HMCN1: variants seen among roughly 807,000 people sequenced by gnomAD.
HMCN1 encodes the protein hemicentin-1.
HMCN1 carries 321 observed loss-of-function variants against 625.9 expected under a neutral mutation model. That is an observed-to-expected ratio of 0.51 (90% CI 0.47 to 0.56). HMCN1 has a LOEUF of 0.56. Among genes scored for constraint, HMCN1 ranks in the 20% least tolerant of loss-of-function variants. The pLI is 0.00. For synonymous variants in HMCN1, 2,425 were observed against 2,417.6 expected (o/e 1.00, Z -0.09); for missense variants, 6,588 against 6,887.3 (o/e 0.96, Z 1.54).
chr1:186,078,065 T>C, intron 54 of HMCN1, 42 bp from the exon 55 acceptor site: 1 of 1,435,656 alleles, frequency 7.0e-7, no homozygotes, highest in South Asian at 1.2e-5. Flanking sequence ...TTGTGTTCAC[T>C]CTAAGATTAG....
intron 70 of HMCN1, among the ~76,000 whole-genome samples, chr1:186,108,255 G>A (rs1660713655): frequency 6.6e-6 from 1 of 151,788 alleles, no homozygotes. Flanking sequence ...GTAGTTGTTG[G>A]AAGGATTTCT....
chr1:185,856,531 C>T (rs1218398479), intron 2 of HMCN1, among the ~76,000 whole-genome samples: 2 of 148,012 alleles, frequency 1.4e-5, no homozygotes, highest in Non-Finnish European at 3.0e-5. Flanking sequence ...CAGCTTGAAA[C>T]TGAGTTGCAT....
In HMCN1 at chr1:186,075,927, T is replaced by A. The variant is rs141778742; in HGVS notation, c.8291-501T>A. ...TAATGCTTTTGATGTGCAGGCAAAT[T>A]GCCTTTCATAAAGTTCATACTTGTC... On this transcript the variant is annotated intron_variant, in intron 53 of 106. Coordinates refer to ENST00000271588, the MANE Select transcript of HMCN1 (RefSeq NM_031935.3). Among the ~76,000 whole-genome samples, 8 of 152,318 alleles carry A rather than the reference T, an allele frequency of 5.3e-5. No homozygotes were observed. The East Asian group carries it at 1.5e-3, about 29-fold the overall frequency.
chr1:185,923,537 A>G lies in HMCN1; in HGVS notation c.1169A>G (p.Asn390Ser), dbSNP rs1473690593. 15 of 1,612,504 alleles carry G rather than the reference A, an allele frequency of 9.3e-6. No individual in the cohort carries two copies. The South Asian group carries it at 1.3e-4, about 14-fold the overall frequency. The change falls in exon 8 of 107, where the codon AAT becomes AGT. Residue 390 changes from asparagine to serine, a missense_variant. Asn to Ser is a conservative substitution (Grantham distance 46). Transcript: ENST00000271588. ...YPHRKPYGIW[N>S]ISDFVPPNEA... Reference sequence around the variant, plus strand: ...CATCGAAAACCTTATGGCATATGGAATATTTCTGACTTTGTACCACCAAAT... The same window carrying G: ...CATCGAAAACCTTATGGCATATGGAGTATTTCTGACTTTGTACCACCAAAT...
At chr1:186,149,488 T>C (rs1279954172) in intron 93 of HMCN1, among the ~76,000 whole-genome samples, 3 of 152,204 alleles carry the variant, frequency 2.0e-5, no homozygotes, top group Non-Finnish European at 4.4e-5. Flanking sequence ...GGCTTTGGCT[T>C]AAGGGAACAT....
At chr1:185,917,759 G>A (rs963872689) in intron 6 of HMCN1, among the ~76,000 whole-genome samples, 17 of 152,124 alleles carry the variant, frequency 1.1e-4, no homozygotes, top group African/African-American at 1.4e-4. Context: ...GGCCTTCTTC[G>A]CCTTTAAACT....
Position 185,734,483 on chromosome 1 carries a change from G to A in HMCN1, c.-297G>A. 1 of 378,958 alleles carries A rather than the reference G, an allele frequency of 2.6e-6. No individual in the cohort carries two copies. Among genetic ancestry groups the A allele is most frequent in the Non-Finnish European group, 4.8e-6 (1 of 208,468 alleles). 23.5% of individuals were successfully genotyped at this position (378,958 alleles called of 1,614,324 possible). On this transcript the variant is annotated 5_prime_UTR_variant, in exon 1 of 107. Coordinates refer to ENST00000271588, the MANE Select transcript of HMCN1 (RefSeq NM_031935.3). ...GGCTCAGAGCTGCCCCCGGGGCATG[G>A]ACCCGACGCGCCGCCCGCACTCCGC...
intron 81 of HMCN1, among the ~76,000 whole-genome samples, chr1:186,124,348 G>GTA (rs561423237): frequency 1.8e-3 from 268 of 152,062 alleles, no homozygotes; most frequent in Non-Finnish European, 3.2e-3. Context: ...ATATCAAAAT[G>GTA]TACAGTGTGT....
chr1:185,991,976 G>A (rs1009699335), intron 22 of HMCN1, among the ~76,000 whole-genome samples: 2 of 152,038 alleles, frequency 1.3e-5, no homozygotes, highest in Non-Finnish European at 2.9e-5. Context: ...CCAATTGTTG[G>A]GTGTAAAATG....
At chr1:186,059,838 T>G (rs1657569949) in intron 46 of HMCN1, among the ~76,000 whole-genome samples, 1 of 151,880 alleles carries the variant, frequency 6.6e-6, no homozygotes, top group Non-Finnish European at 1.5e-5. Flanking sequence ...CCATTTTTGG[T>G]TTTCACTGGA....
rs952683038 is a variant in HMCN1, at chr1:186,057,305, T to C, written c.7216T>C (p.Leu2406=). Residue 2406 remains leucine, a synonymous_variant, in exon 46 of 107, where the codon TTG becomes CTG. Transcript: ENST00000271588. ...ISVVEKNSVS[L]TCEASGIPLP... ...TGTGGTAGAAAAGAACTCAGTATCT[T>C]TGACTTGTGAAGCTTCTGGAATTCC... The C allele has an allele frequency of 3.1e-6, 5 of 1,610,986 alleles. No homozygotes were observed. The highest frequency in any genetic ancestry group is 1.3e-5 in the African/African-American group (1 of 74,804).
chr1:185,874,084 G>T (rs1481891198), intron 4 of HMCN1, among the ~76,000 whole-genome samples: 2 of 150,456 alleles, frequency 1.3e-5, no homozygotes, highest in Non-Finnish European at 3.0e-5. Flanking sequence ...TATGAATATT[G>T]TTTTTTTTTA....
intron 6 of HMCN1, among the ~76,000 whole-genome samples, chr1:185,913,602 C>T (rs765527771): frequency 4.6e-5 from 7 of 152,114 alleles, no homozygotes; most frequent in Non-Finnish European, 1.0e-4. Flanking sequence ...CTGTGAAATA[C>T]GTGCACGTGA....
At chr1:185,964,184 T>C (rs1650235741) in intron 13 of HMCN1, among the ~76,000 whole-genome samples, 1 of 152,094 alleles carries the variant, frequency 6.6e-6, no homozygotes, top group Admixed American at 6.6e-5. Context: ...CTCTGCAATA[T>C]TTTACTTTTA....
At position 186,151,225 on chromosome 1, in the gene HMCN1, T is replaced by C; in HGVS notation, c.14634T>C (p.Ser4878=). ...CPGGPQRARG[S]VIGNINDVEF... is the part of the protein sequence containing the mutation. ...GTGGGCCCCAGCGAGCCAGAGGAAG[T>C]GTTATTGGAAATATTAATGATGTTG... The change falls in exon 94 of 107, where the codon AGT becomes AGC. Residue 4878 remains serine (S), a synonymous_variant. Coordinates refer to ENST00000271588, the MANE Select transcript of HMCN1 (RefSeq NM_031935.3). 6.2e-7 allele frequency: 1 copy of C among 1,613,868 alleles called. No individual in the cohort carries two copies. The highest frequency in any genetic ancestry group is 8.5e-7 in the Non-Finnish European group (1 of 1,179,792).
At chr1:186,137,436 A>C in intron 87 of HMCN1, 62 bp from the exon 88 acceptor site, 1 of 1,558,716 alleles carries the variant, frequency 6.4e-7, no homozygotes, top group Non-Finnish European at 8.8e-7. Context: ...ATCTTAAATG[A>C]AATCTCCTTT....
chr1:186,013,409 G>A (rs959403176), intron 30 of HMCN1, among the ~76,000 whole-genome samples: 39 of 152,108 alleles, frequency 2.6e-4, no homozygotes, highest in African/African-American at 7.7e-4. Context: ...TGATTCTATC[G>A]TCGAATTCAC....
In HMCN1 at chr1:185,973,080, G is replaced by T. The variant is rs372849434; in HGVS notation, c.2371+2587G>T. 2.0e-4 allele frequency among the ~76,000 whole-genome samples: 30 copies of T among 152,146 alleles called. No homozygotes were observed. The East Asian group carries it at 3.5e-3, about 18-fold the overall frequency. On this transcript the variant is annotated intron_variant, in intron 15 of 106. Transcript: ENST00000271588. ...AAATGGTGGACTCTGACAGAGAATG[G>T]GTTTTCTGCCTAAACTTTCCTCATC...
At chr1:186,005,160 ATTT>A (rs1226272781) in intron 29 of HMCN1, among the ~76,000 whole-genome samples, 3 of 148,252 alleles carry the variant, frequency 2.0e-5, no homozygotes, top group African/African-American at 7.5e-5. Flanking sequence ...TTTATAAACA[ATTT>A]TTTAATTGTT....
Sources: gnomAD v4.1 joint callset for allele counts (sites outside exome capture counted in the v4.1 genomes callset) on GRCh38, gnomAD v4.1.1 for gene constraint, MANE v1.5 for transcripts, NCBI Gene and HGNC (gene_info 2026-07-23, HGNC 2026-07-21) for gene names.